ZNF385D: variants seen among roughly 807,000 people sequenced by gnomAD.
ZNF385D encodes the protein zinc finger protein 659.
ZNF385D carries 15 observed loss-of-function variants against 35.8 expected under a neutral mutation model. The observed-to-expected ratio is 0.42, with a 90% CI of 0.28 to 0.64. The LOEUF (loss-of-function observed/expected upper bound fraction) is 0.64, where lower values mean the gene tolerates loss of function less well. ZNF385D is among the 30% of genes least tolerant of loss of function. The pLI, the probability that ZNF385D is intolerant of heterozygous loss-of-function variation, is 0.23. For missense variants in ZNF385D, 474 were observed against 494.6 expected, an observed-to-expected ratio of 0.96 and a Z score of 0.39; for synonymous variants, 212 against 186.8, an observed-to-expected ratio of 1.13 and a Z score of -1.10.
At position 21,724,500 on chromosome 3, in the gene ZNF385D, A is replaced by T. The variant is rs1463510314; in HGVS notation, c.22+26395T>A. ...GCCAAAAAAAAAAAAAAAAAAAAAA[A>T]AAAAAAAAAAAAAAAAAAGCAGGAG... On this transcript the variant is annotated intron_variant, in intron 1 of 7. Coordinates refer to ENST00000281523, the MANE Select transcript of ZNF385D (RefSeq NM_024697.3). Among the ~76,000 whole-genome samples, 12 of 100,040 alleles carry T rather than the reference A, an allele frequency of 1.2e-4. 1 individual carries two copies. The highest frequency in any genetic ancestry group is 3.5e-4 in the African/African-American group (12 of 33,892). 65.6% of individuals were successfully genotyped at this position (100,040 alleles called of 152,430 possible).
At chr3:21,878,317 T>G (rs577901078) in intron 3 of ZNF385D, among the ~76,000 whole-genome samples, 1 of 151,994 alleles carries the variant, frequency 6.6e-6, no homozygotes, top group African/African-American at 2.4e-5. Context: ...CTATGAGATA[T>G]TGTCTCATGA....
At chr3:21,497,832 G>A (rs1706028054) in intron 4 of ZNF385D, among the ~76,000 whole-genome samples, 1 of 152,162 alleles carries the variant, frequency 6.6e-6, no homozygotes, top group South Asian at 2.1e-4. Flanking sequence ...TTGGGCAACA[G>A]AGTGAGACGC....
intron 3 of ZNF385D, among the ~76,000 whole-genome samples, chr3:21,841,136 C>G (rs898083941): frequency 6.6e-6 from 1 of 152,066 alleles, no homozygotes; most frequent in African/African-American, 2.4e-5. Flanking sequence ...ATGGCACCTA[C>G]TATGTATATT....
At chr3:21,559,668 G>A (rs1054378465) in intron 3 of ZNF385D, among the ~76,000 whole-genome samples, 4 of 152,102 alleles carry the variant, frequency 2.6e-5, no homozygotes, top group African/African-American at 9.7e-5. Context: ...GAGTATCTTT[G>A]TGGTGTTCTC....
At chr3:21,807,837 T>C (rs2072722789) in intron 3 of ZNF385D, among the ~76,000 whole-genome samples, 2 of 152,312 alleles carry the variant, frequency 1.3e-5, no homozygotes, top group Middle Eastern at 3.4e-3. Context: ...AAAAAGTCTC[T>C]GAGATGGAGT....
At chr3:22,178,401 G>T (rs1478083929) in intron 2 of ZNF385D, among the ~76,000 whole-genome samples, 2 of 152,162 alleles carry the variant, frequency 1.3e-5, no homozygotes, top group African/African-American at 2.4e-5. Context: ...AAGTGTCTGT[G>T]CATATCCTTC....
intron 3 of ZNF385D, among the ~76,000 whole-genome samples, chr3:21,993,054 T>G (rs1214464846): frequency 6.6e-6 from 1 of 152,238 alleles, no homozygotes; most frequent in Non-Finnish European, 1.5e-5. Flanking sequence ...ATCCTGAATC[T>G]GATCTAAAAG....
chr3:21,522,224 T>C (rs1012182704), intron 3 of ZNF385D, among the ~76,000 whole-genome samples: 1 of 152,198 alleles, frequency 6.6e-6, no homozygotes, highest in Non-Finnish European at 1.5e-5. Flanking sequence ...AACAGAACTC[T>C]GAAGTGGGAC....
chr3:21,771,902 T>G (rs1305154767), intron 3 of ZNF385D, among the ~76,000 whole-genome samples: 2 of 151,900 alleles, frequency 1.3e-5, no homozygotes, highest in African/African-American at 2.4e-5. Flanking sequence ...TGGAATAGAA[T>G]AGAAAGCCCA....
intron 2 of ZNF385D, among the ~76,000 whole-genome samples, chr3:22,296,322 G>A (rs1223966761): frequency 6.6e-6 from 1 of 152,140 alleles, no homozygotes; most frequent in Non-Finnish European, 1.5e-5. Flanking sequence ...TTGAACAGCT[G>A]GAGGCTGGCA....
At chr3:21,848,293 T>A (rs1303728880) in intron 3 of ZNF385D, among the ~76,000 whole-genome samples, 1 of 152,054 alleles carries the variant, frequency 6.6e-6, no homozygotes, top group East Asian at 1.9e-4. Flanking sequence ...TAGTCAGTAG[T>A]GCTACAGTGA....
At chr3:22,271,153 G>A (rs1701156830) in intron 2 of ZNF385D, among the ~76,000 whole-genome samples, 1 of 151,820 alleles carries the variant, frequency 6.6e-6, no homozygotes, top group Non-Finnish European at 1.5e-5. Context: ...CACATTCATT[G>A]ATTTTAATAT....
chr3:21,988,263 A>G (rs1263624765), intron 3 of ZNF385D, among the ~76,000 whole-genome samples: 2 of 121,010 alleles, frequency 1.7e-5, no homozygotes, highest in Admixed American at 7.7e-5. Flanking sequence ...TAGAGTTTCC[A>G]GTTTTTCTGT....
intron 3 of ZNF385D, among the ~76,000 whole-genome samples, chr3:22,098,617 C>G (rs1028814203): frequency 6.6e-6 from 1 of 151,928 alleles, no homozygotes; most frequent in Admixed American, 6.6e-5. Flanking sequence ...TTGAAGTTCC[C>G]ATCTGGGAAG....
At chr3:21,959,227 T>G (rs532502952) in intron 3 of ZNF385D, among the ~76,000 whole-genome samples, 12 of 152,144 alleles carry the variant, frequency 7.9e-5, no homozygotes, top group African/African-American at 2.9e-4. Flanking sequence ...AATCAGCAAA[T>G]AGGAATAAAG....
At chr3:21,678,883 T>G (rs1444764407) in intron 1 of ZNF385D, among the ~76,000 whole-genome samples, 2 of 152,116 alleles carry the variant, frequency 1.3e-5, no homozygotes, top group Non-Finnish European at 2.9e-5. Flanking sequence ...TGCCTATTTA[T>G]ACAGTTTAAT....
intron 3 of ZNF385D, among the ~76,000 whole-genome samples, chr3:22,049,676 C>A (rs765807549): frequency 5.3e-5 from 8 of 152,030 alleles, no homozygotes; most frequent in African/African-American, 1.4e-4. Flanking sequence ...TTTATTGTGT[C>A]GAAATAGATT....
intron 3 of ZNF385D, among the ~76,000 whole-genome samples, chr3:21,835,085 A>G (rs911893431): frequency 2.0e-5 from 3 of 152,238 alleles, no homozygotes; most frequent in East Asian, 1.9e-4. Context: ...GTTTATTGGT[A>G]TACAGTCATG....
chr3:22,252,630 G>C (rs749845329), intron 2 of ZNF385D, among the ~76,000 whole-genome samples: 3 of 152,026 alleles, frequency 2.0e-5, no homozygotes, highest in Non-Finnish European at 4.4e-5. Flanking sequence ...ATGCTTTCTA[G>C]GTACCTGAGG....
Sources: gnomAD v4.1 joint callset for allele counts (sites outside exome capture counted in the v4.1 genomes callset) on GRCh38, gnomAD v4.1.1 for gene constraint, MANE v1.5 for transcripts, NCBI Gene and HGNC (gene_info 2026-07-23, HGNC 2026-07-21) for gene names.